Variants in SCNN1B observed in about 807,000 individuals in gnomAD.
SCNN1B encodes the protein sodium channel epithelial 1 subunit beta.
A neutral mutation model predicts 65.3 loss-of-function variants in SCNN1B; 46 were observed. That is an observed-to-expected ratio of 0.70 (90% CI 0.56 to 0.90). The LOEUF (loss-of-function observed/expected upper bound fraction) is 0.90, where lower values mean the gene tolerates loss of function less well. Among genes scored for constraint, SCNN1B ranks in the 40% least tolerant of loss-of-function variants. The pLI, the probability that SCNN1B is intolerant of heterozygous loss-of-function variation, is 0.00. For missense variants in SCNN1B, 751 were observed against 830.5 expected (o/e 0.90, Z 1.18); for synonymous variants, 349 against 330.6 (o/e 1.06, Z -0.60).
chr16:23,371,528 A>G, intron 6 of SCNN1B, 66 bp downstream of exon 6: 1 of 1,519,380 alleles, frequency 6.6e-7, no homozygotes, highest in Non-Finnish European at 9.1e-7. Context: ...TCCAGGGCCA[A>G]CTGCCCTTGG....
chr16:23,363,833 G>A (rs1962598626), intron 4 of SCNN1B, among the ~76,000 whole-genome samples: 1 of 148,172 alleles, frequency 6.7e-6, no homozygotes, highest in African/African-American at 2.5e-5. Flanking sequence ...AAAAAAGGAA[G>A]CTGATTTCAG....
At chr16:23,340,134 T>G (rs952602212) in intron 1 of SCNN1B, among the ~76,000 whole-genome samples, 13 of 152,320 alleles carry the variant, frequency 8.5e-5, no homozygotes, top group African/African-American at 2.9e-4. Context: ...ATTGGCCCAT[T>G]TTTTGTTGAA....
chr16:23,301,547 T>C (rs1961085547), upstream of SCNN1B, among the ~76,000 whole-genome samples: 1 of 152,102 alleles, frequency 6.6e-6, no homozygotes. Context: ...GGAAACTAAG[T>C]GTTAAGGATA....
intron 1 of SCNN1B, among the ~76,000 whole-genome samples, chr16:23,307,194 G>T (rs902000396): frequency 3.9e-5 from 6 of 152,128 alleles, no homozygotes; most frequent in South Asian, 4.1e-4. Flanking sequence ...GGTGTGCTGG[G>T]AGGGTTCGAA....
intron 1 of SCNN1B, among the ~76,000 whole-genome samples, chr16:23,343,475 AAAGGAAGGAAGGAAGG>A (rs569501062): frequency 1.8e-5 from 2 of 113,072 alleles, no homozygotes; most frequent in Non-Finnish European, 3.3e-5. Context: ...GAAAAGAAAG[AAAGGAAGGAAGGAAGG>A]AAGGAAGGAA....
At chr16:23,355,932 T>C (rs1175150584) in intron 4 of SCNN1B, among the ~76,000 whole-genome samples, 2 of 150,976 alleles carry the variant, frequency 1.3e-5, no homozygotes, top group Non-Finnish European at 3.0e-5. Flanking sequence ...CTCTAGAAAA[T>C]AGTAAAATAA....
chr16:23,298,177 C>T (rs150501284), upstream of SCNN1B, among the ~76,000 whole-genome samples: 17 of 152,284 alleles, frequency 1.1e-4, no homozygotes, highest in East Asian at 2.1e-3. Flanking sequence ...CCCTTTCAGA[C>T]GTGAATTCAT....
At chr16:23,360,197 C>CAAAAAAAT (rs1478532926) in intron 4 of SCNN1B, among the ~76,000 whole-genome samples, 68 of 120,020 alleles carry the variant, frequency 5.7e-4, no homozygotes, top group Non-Finnish European at 8.3e-4. Context: ...GACTCCATCT[C>CAAAAAAAT]AAAAAAATAA....
At chr16:23,369,025 G>C (rs527809693) in intron 5 of SCNN1B, among the ~76,000 whole-genome samples, 1 of 152,322 alleles carries the variant, frequency 6.6e-6, no homozygotes, top group South Asian at 2.1e-4. Context: ...AACTGCGCTT[G>C]AACCCCTTAC....
exon 1 of SCNN1B, chr16:23,278,298 T>G (rs552792937): frequency 5.3e-5 from 8 of 152,284 alleles, no homozygotes; most frequent in African/African-American, 1.7e-4. Flanking sequence ...GTCCTCTAAG[T>G]TGTTGCCAAG....
rs79166128 is a variant in SCNN1B, at chr16:23,376,326, G to A, written c.1270+471G>A. Among the ~76,000 whole-genome samples the A allele has an allele frequency of 9.7e-3, 1,462 of 151,490 alleles. 18 individuals are homozygous for A. The highest frequency in any genetic ancestry group is 0.054 in the Middle Eastern group (16 of 294). The stretch of plus-strand genomic sequence containing the variant: ...AATCACTTCCAGGGTCTGCATTTGT[G>A]CACTCTGGCTTTTGTGCACGTGTGT... On this transcript the variant is annotated intron_variant, in intron 8 of 12. Transcript: ENST00000343070.
At chr16:23,369,826 G>T (rs2142037730) in intron 5 of SCNN1B, among the ~76,000 whole-genome samples, 1 of 152,354 alleles carries the variant, frequency 6.6e-6, no homozygotes, top group African/African-American at 2.4e-5. Flanking sequence ...GAAGACCTCA[G>T]ACAAGTCCCT....
At chr16:23,292,490 C>T (rs1358908380) in intron 2 of SCNN1B, among the ~76,000 whole-genome samples, 1 of 151,730 alleles carries the variant, frequency 6.6e-6, no homozygotes, top group Admixed American at 6.6e-5. Flanking sequence ...AGCCACCGTG[C>T]TTGGCCAATC....
intron 2 of SCNN1B, among the ~76,000 whole-genome samples, chr16:23,292,654 G>A (rs941700552): frequency 6.6e-6 from 1 of 151,788 alleles, no homozygotes; most frequent in Admixed American, 6.6e-5. Context: ...CAGGCACACT[G>A]TACCATGCCT....
chr16:23,368,050 G>T (rs1962708353), intron 5 of SCNN1B, 91 bp downstream of exon 5: 2 of 1,026,472 alleles, frequency 1.9e-6, no homozygotes, highest in African/African-American at 1.7e-5. Flanking sequence ...TTGCAGGGTG[G>T]GACTGAGGGG....
chr16:23,316,383 CCAT>C (rs1961463813), intron 1 of SCNN1B, among the ~76,000 whole-genome samples: 2 of 141,912 alleles, frequency 1.4e-5, no homozygotes, highest in South Asian at 2.2e-4. Flanking sequence ...ACCATCCTCA[CCAT>C]CATCACCATC....
At chr16:23,313,572 C>T (rs1961388943) in intron 1 of SCNN1B, among the ~76,000 whole-genome samples, 1 of 152,172 alleles carries the variant, frequency 6.6e-6, no homozygotes, top group Admixed American at 6.5e-5. Flanking sequence ...GCTCTCTCCC[C>T]TACAGTATAA....
intron 4 of SCNN1B, among the ~76,000 whole-genome samples, chr16:23,364,674 T>C: frequency 6.6e-6 from 1 of 151,968 alleles, no homozygotes; most frequent in East Asian, 1.9e-4. Context: ...GCGTCTGAGG[T>C]GGAGACAGGT....
In SCNN1B at chr16:23,380,806, G is replaced by T. The variant is rs1567321992; in HGVS notation, c.*5G>T. On this transcript the variant is annotated 3_prime_UTR_variant, in exon 13 of 13. Transcript: ENST00000343070. This position sits in a 1 kb window ranked among gnomAD's most constrained non-coding sequence, Gnocchi z 5.4. ...AGTGAGGGTGATGCCATCTAACCCTGCCCCTGCCCACCCCGGGCGGCTGAA... is the reference window on the plus strand; with the variant it reads ...AGTGAGGGTGATGCCATCTAACCCTTCCCCTGCCCACCCCGGGCGGCTGAA... The T allele has an allele frequency of 6.2e-7, 1 of 1,611,850 alleles. No individual in the cohort carries two copies. Among genetic ancestry groups the T allele is most frequent in the Non-Finnish European group, 8.5e-7 (1 of 1,179,958 alleles).
Sources: gnomAD v4.1 joint callset for allele counts (sites outside exome capture counted in the v4.1 genomes callset) on GRCh38, gnomAD v4.1.1 for gene constraint, Gnocchi (gnomAD v3.1) non-coding constraint, MANE v1.5 for transcripts, NCBI Gene and HGNC (gene_info 2026-07-23, HGNC 2026-07-21) for gene names.